The following SSBP3 variants were observed in gnomAD, a reference collection of about 807,000 sequenced individuals.
SSBP3 encodes the protein single stranded DNA binding protein 3, also known as single-stranded DNA-binding protein 3.
SSBP3 carries 5 observed loss-of-function variants against 69.6 expected under a neutral mutation model. That is an observed-to-expected ratio of 0.07 (90% CI 0.04 to 0.15). The LOEUF (loss-of-function observed/expected upper bound fraction) is 0.15, where lower values mean the gene tolerates loss of function less well. SSBP3 is among the 10% of genes least tolerant of loss of function. SSBP3 has a pLI of 1.00. For missense variants in SSBP3, 312 were observed against 534.0 expected (o/e 0.58, Z 4.10); for synonymous variants, 196 against 193.4 (o/e 1.01, Z -0.11).
intron 4 of SSBP3, among the ~76,000 whole-genome samples, chr1:54,298,243 C>G (rs903661452): frequency 2.0e-5 from 3 of 152,152 alleles, no homozygotes; most frequent in Non-Finnish European, 4.4e-5. Context: ...CCACTGTAAG[C>G]TGATTAGGTC....
At chr1:54,227,558 G>C (rs1293211679) in intron 17 of SSBP3, among the ~76,000 whole-genome samples, 1 of 152,162 alleles carries the variant, frequency 6.6e-6, no homozygotes, top group Non-Finnish European at 1.5e-5. Context: ...GTGCCCTGGG[G>C]TGGGGCCAGT....
chr1:54,371,233 A>G (rs12024740), intron 4 of SSBP3, among the ~76,000 whole-genome samples: 15,611 of 152,302 alleles, frequency 0.1, 1,054 homozygotes, highest in East Asian at 0.28. Flanking sequence ...TCACAAGACT[A>G]AGTTGCTCAG....
chr1:54,277,554 C>T (rs1304272572), intron 5 of SSBP3, among the ~76,000 whole-genome samples: 3 of 152,242 alleles, frequency 2.0e-5, no homozygotes, highest in Non-Finnish European at 4.4e-5. Flanking sequence ...ATTCACCTTT[C>T]TGAGTCTCAC....
At chr1:54,406,010 G>T in exon 1 of SSBP3, 1 of 1,478,902 alleles carries the variant, frequency 6.8e-7, no homozygotes. Context: ...GGCAAACATG[G>T]TTTGCAGGGA....
At chr1:54,248,896 T>G (rs76878446) in intron 9 of SSBP3, among the ~76,000 whole-genome samples, 6 of 152,178 alleles carry the variant, frequency 3.9e-5, no homozygotes, top group Non-Finnish European at 7.3e-5. Flanking sequence ...GCAGGAGATA[T>G]GCTTCCAGAG....
intron 4 of SSBP3, among the ~76,000 whole-genome samples, chr1:54,311,225 C>A (rs1300997932): frequency 6.6e-6 from 1 of 152,172 alleles, no homozygotes; most frequent in African/African-American, 2.4e-5. Context: ...GACGGAAATC[C>A]ACCACCAGTG....
At chr1:54,353,120 C>G (rs533791199) in intron 4 of SSBP3, among the ~76,000 whole-genome samples, 4 of 152,326 alleles carry the variant, frequency 2.6e-5, no homozygotes, top group African/African-American at 7.2e-5. Context: ...GCTCCCTGGA[C>G]AGGTCCCCAC....
At chr1:54,228,206 A>C (rs1312569769) in intron 17 of SSBP3, 49 bp downstream of exon 17, 5 of 1,520,538 alleles carry the variant, frequency 3.3e-6, no homozygotes, top group Non-Finnish European at 2.7e-6. Context: ...GTTAGGAAAG[A>C]GTCCCCAGGC....
At chr1:54,292,977 T>TG (rs561896669) in intron 4 of SSBP3, among the ~76,000 whole-genome samples, 19 of 151,940 alleles carry the variant, frequency 1.3e-4, no homozygotes, top group Non-Finnish European at 2.5e-4. Context: ...GGATGGTGAC[T>TG]GGATGGTTTG....
chr1:54,283,391 G>A (rs1259394042), intron 4 of SSBP3, among the ~76,000 whole-genome samples: 1 of 152,112 alleles, frequency 6.6e-6, no homozygotes, highest in Non-Finnish European at 1.5e-5. Context: ...GAACAGACCT[G>A]GGAACAAATG....
chr1:54,382,310 A>T (rs1392759854), intron 4 of SSBP3, among the ~76,000 whole-genome samples: 1 of 152,184 alleles, frequency 6.6e-6, no homozygotes, highest in African/African-American at 2.4e-5. Flanking sequence ...CCTAGGCTCA[A>T]GCGATCCTCC....
chr1:54,404,662 C>T, intron 2 of SSBP3, 25 bp from the exon 3 acceptor site: 1 of 1,613,856 alleles, frequency 6.2e-7, no homozygotes, highest in Non-Finnish European at 8.5e-7. Flanking sequence ...GCAGAAGCAG[C>T]TTAGAGGAGC....
chr1:54,387,291 C>T (rs1300399678), intron 4 of SSBP3, among the ~76,000 whole-genome samples: 1 of 152,088 alleles, frequency 6.6e-6, no homozygotes, highest in African/African-American at 2.4e-5. Context: ...CTCAATGATT[C>T]GACTGCTTAA....
intron 4 of SSBP3, among the ~76,000 whole-genome samples, chr1:54,354,305 G>T (rs556391575): frequency 4.8e-4 from 73 of 152,310 alleles, no homozygotes; most frequent in African/African-American, 1.7e-3. Flanking sequence ...CAGGTGGACA[G>T]ACCAGCAATG....
At chr1:54,349,716 C>T (rs933841979) in intron 4 of SSBP3, among the ~76,000 whole-genome samples, 1 of 120,978 alleles carries the variant, frequency 8.3e-6, no homozygotes, top group Non-Finnish European at 1.7e-5. Flanking sequence ...TGTGGATGGG[C>T]CAAAAAAAAA....
chr1:54,286,418 G>A (rs529757632), intron 4 of SSBP3: 4 of 152,334 alleles, frequency 2.6e-5, no homozygotes, highest in African/African-American at 4.8e-5. Flanking sequence ...TGAAAAGCCC[G>A]AAGTGCTTTC....
rs12094764 is a variant in SSBP3 at position 54,322,474 on chromosome 1, G to A, written c.277-40947C>T. Among the ~76,000 whole-genome samples the A allele has an allele frequency of 4.9e-3, 748 of 152,052 alleles. 8 individuals are homozygous for A. Among genetic ancestry groups the A allele is most frequent in the African/African-American group, 0.016 (684 of 41,462 alleles). The stretch of plus-strand genomic sequence containing the variant: ...CTTGGGCCAGGAGGCAATCCCCTCC[G>A]GGATCTAGGATATAGCTCATTCTTA... On this transcript the variant is annotated intron_variant, in intron 4 of 17. Transcript: ENST00000610401.
intron 5 of SSBP3, among the ~76,000 whole-genome samples, chr1:54,260,113 T>C (rs544848793): frequency 1.1e-4 from 17 of 152,272 alleles, no homozygotes; most frequent in African/African-American, 4.1e-4. Context: ...GCGGGACATA[T>C]TTGCACCTGC....
intron 5 of SSBP3, among the ~76,000 whole-genome samples, chr1:54,275,843 G>A (rs754921684): frequency 6.6e-6 from 1 of 152,228 alleles, no homozygotes; most frequent in Non-Finnish European, 1.5e-5. Context: ...CTTCAAGACA[G>A]CCATCAGAGC....
Sources: gnomAD v4.1 joint callset for allele counts (sites outside exome capture counted in the v4.1 genomes callset) on GRCh38, gnomAD v4.1.1 for gene constraint, MANE v1.5 for transcripts, NCBI Gene and HGNC (gene_info 2026-07-23, HGNC 2026-07-21) for gene names.